ARHGEF10: variants seen among roughly 807,000 people sequenced by gnomAD.
ARHGEF10 encodes Rho guanine nucleotide exchange factor 10.
A neutral mutation model predicts 147.4 loss-of-function variants in ARHGEF10; 140 were observed. The observed-to-expected ratio is 0.95, with a 90% CI of 0.83 to 1.09. The LOEUF is 1.09. Among genes scored for constraint, ARHGEF10 ranks in the 50% least tolerant of loss-of-function variants. The pLI, the probability that ARHGEF10 is intolerant of heterozygous loss-of-function variation, is 0.00. For missense variants in ARHGEF10, 2,222 were observed against 1,752.7 expected, an observed-to-expected ratio of 1.27 and a Z score of -4.78; for synonymous variants, 902 against 695.8, an observed-to-expected ratio of 1.30 and a Z score of -4.67.
chr8:1,898,988 A>G (rs765479238), intron 15 of ARHGEF10, among the ~76,000 whole-genome samples: 11 of 152,228 alleles, frequency 7.2e-5, no homozygotes, highest in Non-Finnish European at 1.2e-4. Context: ...TAAACAAAAC[A>G]TACCCATCAC....
chr8:1,916,672 A>G (rs374468914), intron 18 of ARHGEF10, among the ~76,000 whole-genome samples: 195 of 152,238 alleles, frequency 1.3e-3, no homozygotes, highest in African/African-American at 4.6e-3. Flanking sequence ...ATTTCTCTAT[A>G]CTTTCCATGT....
chr8:1,879,897 T>C (rs1808034757), intron 8 of ARHGEF10, 151 bp from the exon 9 acceptor site: 1 of 724,330 alleles, frequency 1.4e-6, no homozygotes, highest in Admixed American at 2.0e-5. Context: ...GGGCTAGTAA[T>C]GGGGACTCTC....
At chr8:1,855,476 G>C (rs1261222594) in intron 2 of ARHGEF10, among the ~76,000 whole-genome samples, 1 of 152,062 alleles carries the variant, frequency 6.6e-6, no homozygotes, top group Non-Finnish European at 1.5e-5. Flanking sequence ...CCGCTTACTG[G>C]GTTCAGGTGA....
At chr8:1,868,879 C>G (rs2272709) in intron 6 of ARHGEF10, among the ~76,000 whole-genome samples, 31,734 of 151,934 alleles carry the variant, frequency 0.21, 3,764 homozygotes, top group East Asian at 0.5. Flanking sequence ...TAAGTTTGAC[C>G]TGGAAACCAT....
At chr8:1,888,222 C>T (rs77675959) in intron 11 of ARHGEF10, among the ~76,000 whole-genome samples, 30 of 34,182 alleles carry the variant, frequency 8.8e-4, no homozygotes, top group African/African-American at 3.6e-3. Flanking sequence ...GCGAGGGTTG[C>T]GAGGAGACAG....
intron 26 of ARHGEF10, among the ~76,000 whole-genome samples, chr8:1,934,492 A>G (rs2129238863): frequency 6.6e-6 from 1 of 152,358 alleles, no homozygotes; most frequent in Non-Finnish European, 1.5e-5. Context: ...AAGTAAAAGA[A>G]ACATTGCTTT....
chr8:1,936,324 G>A (rs1355972972), intron 26 of ARHGEF10, among the ~76,000 whole-genome samples: 1 of 152,132 alleles, frequency 6.6e-6, no homozygotes, highest in Non-Finnish European at 1.5e-5. Context: ...AGACCAGGCT[G>A]GGCAACATGG....
intron 27 of ARHGEF10, among the ~76,000 whole-genome samples, chr8:1,946,126 G>C (rs754865457): frequency 6.6e-6 from 1 of 152,184 alleles, no homozygotes; most frequent in Non-Finnish European, 1.5e-5. Flanking sequence ...TTTCTGGGCA[G>C]GGGAGAAGGC....
At chr8:1,841,448 A>G (rs1204142570) in intron 1 of ARHGEF10, among the ~76,000 whole-genome samples, 1 of 152,044 alleles carries the variant, frequency 6.6e-6, no homozygotes, top group Non-Finnish European at 1.5e-5. Context: ...GTTTATGGAA[A>G]CCATTGGTTT....
rs541321460 is a variant in ARHGEF10 at position 1,896,351 on chromosome 8, C to G, written c.1459C>G (p.Leu487Val). 1 of 1,613,736 alleles carries G rather than the reference C, an allele frequency of 6.2e-7. No homozygotes were observed. The highest frequency in any genetic ancestry group is 2.2e-5 in the East Asian group (1 of 44,870). The change falls in exon 14 of 29, where the codon CTG becomes GTG. Residue 487 changes from leucine (L) to valine (V), a missense_variant. Transcript: ENST00000349830. ...GTTTCAGTTTTCTAAGTCCATGGTG[C>G]TGGATGCATACAGTGAATATGTGAA... ...FVASFSKSMV[L>V]DAYSEYVNNF... is the part of the protein sequence containing the mutation.
intron 10 of ARHGEF10, among the ~76,000 whole-genome samples, 156 bp downstream of exon 10, chr8:1,882,905 T>A (rs1475963065): frequency 6.6e-6 from 1 of 152,228 alleles, no homozygotes; most frequent in East Asian, 1.9e-4. Context: ...TCAGCCCTGC[T>A]GACCCCAGCC....
chr8:1,849,333 CAG>C (rs1305610574), intron 2 of ARHGEF10, among the ~76,000 whole-genome samples: 10 of 149,794 alleles, frequency 6.7e-5, no homozygotes, highest in East Asian at 4.0e-4. Flanking sequence ...CACGTGGACA[CAG>C]ACAGCAAATG....
Position 1,925,388 on chromosome 8 carries a change from A to G in ARHGEF10, c.2594A>G (p.Lys865Arg), listed in dbSNP as rs780888274. The change falls in exon 22 of 29, where the codon AAG (lysine) becomes AGG (arginine). Residue 865 changes from lysine (K) to arginine (R), a missense_variant. Physicochemically the swap from Lys to Arg is conservative, Grantham distance 26. Coordinates refer to ENST00000349830, the MANE Select transcript of ARHGEF10 (RefSeq NM_014629.4). ...LVGHMPVMVA[K>R]QQEFKIECAA... ...GGACACATGCCCGTGATGGTGGCCA[A>G]GCAGCAGGAGTTCAAGGTGAAGGGA... 1.9e-6 allele frequency: 3 copies of G among 1,614,134 alleles called. No homozygotes were observed. The South Asian group carries it at 3.3e-5, about 18-fold the overall frequency.
chr8:1,929,281 T>A lies in ARHGEF10; in HGVS notation c.2922-5T>A. On this transcript the variant is annotated splice_region_variant and splice_polypyrimidine_tract_variant and intron_variant, in intron 24 of 28. Transcript: ENST00000349830. ...TATTTATTAGCTTGTATTTTTCTCTTAAAGCATTTCCATTTATAAAAGCAG... is the reference window on the plus strand; with the variant it reads ...TATTTATTAGCTTGTATTTTTCTCTAAAAGCATTTCCATTTATAAAAGCAG... The A allele has an allele frequency of 6.2e-7, 1 of 1,614,026 alleles. No individual in the cohort carries two copies. Among genetic ancestry groups the A allele is most frequent in the Non-Finnish European group, 8.5e-7 (1 of 1,179,930 alleles).
intron 26 of ARHGEF10, among the ~76,000 whole-genome samples, chr8:1,942,638 G>A (rs552583042): frequency 9.4e-4 from 143 of 152,244 alleles, no homozygotes; most frequent in South Asian, 2.9e-3. Flanking sequence ...ATGCAGACAC[G>A]AATTATCATA....
At chr8:1,930,897 G>A (rs76360162) in intron 25 of ARHGEF10, among the ~76,000 whole-genome samples, 2 of 152,350 alleles carry the variant, frequency 1.3e-5, no homozygotes, top group East Asian at 3.9e-4. Flanking sequence ...TGACCCTGCT[G>A]ATCCCTGGCC....
intron 4 of ARHGEF10, among the ~76,000 whole-genome samples, chr8:1,861,633 G>GA (rs892384973): frequency 1.3e-4 from 19 of 151,288 alleles, no homozygotes; most frequent in African/African-American, 2.2e-4. Flanking sequence ...TAACAGTTGA[G>GA]AAAAAAAAAT....
chr8:1,950,194 C>A (rs534442142), intron 27 of ARHGEF10, among the ~76,000 whole-genome samples: 197 of 152,328 alleles, frequency 1.3e-3, no homozygotes, highest in African/African-American at 4.4e-3. Context: ...GCGGACCTCA[C>A]GTGGGCTCCA....
intron 2 of ARHGEF10, among the ~76,000 whole-genome samples, chr8:1,845,262 G>T (rs929962835): frequency 6.6e-6 from 1 of 152,154 alleles, no homozygotes; most frequent in Non-Finnish European, 1.5e-5. Context: ...TACCCTCCAC[G>T]GGCCCACTTT....
Sources: gnomAD v4.1 joint callset for allele counts (sites outside exome capture counted in the v4.1 genomes callset) on GRCh38, gnomAD v4.1.1 for gene constraint, MANE v1.5 for transcripts, NCBI Gene and HGNC (gene_info 2026-07-23, HGNC 2026-07-21) for gene names.